Variants in MEAF6 observed in about 807,000 individuals in gnomAD.
MEAF6 encodes MYST/Esa1 associated factor 6, also known as chromatin modification-related protein MEAF6.
A neutral mutation model predicts 28.9 loss-of-function variants in MEAF6; 15 were observed. That is an observed-to-expected ratio of 0.52 (90% CI 0.35 to 0.80). MEAF6 has a LOEUF of 0.80. Ranked by LOEUF, MEAF6 falls within the 30% of genes least tolerant of loss-of-function variation. MEAF6 has a pLI of 0.01. For synonymous variants in MEAF6, 97 were observed against 88.7 expected, an observed-to-expected ratio of 1.09 and a Z score of -0.53; for missense variants, 178 against 237.5, an observed-to-expected ratio of 0.75 and a Z score of 1.65.
chr1:37,500,737 T>C (rs776180992), intron 5 of MEAF6, among the ~76,000 whole-genome samples: 3 of 152,128 alleles, frequency 2.0e-5, no homozygotes, highest in Non-Finnish European at 1.5e-5. Context: ...GTCATATCCA[T>C]GAAGCTAACA....
intron 2 of MEAF6, among the ~76,000 whole-genome samples, chr1:37,510,769 C>T (rs1260848516): frequency 6.6e-6 from 1 of 152,078 alleles, no homozygotes; most frequent in Non-Finnish European, 1.5e-5. Context: ...GTTGCCCAGG[C>T]TGGACTGCAA....
At chr1:37,501,184 G>A (rs1642289565) in intron 5 of MEAF6, among the ~76,000 whole-genome samples, 1 of 151,988 alleles carries the variant, frequency 6.6e-6, no homozygotes, top group Non-Finnish European at 1.5e-5. Flanking sequence ...ATCTCATTAT[G>A]TACTGCAAAA....
intron 6 of MEAF6, among the ~76,000 whole-genome samples, chr1:37,495,333 A>AAAATAAATAAATAAATAAAT (rs199695721): frequency 7.2e-6 from 1 of 138,458 alleles, no homozygotes; most frequent in African/African-American, 2.7e-5. Context: ...TCCGTCTCAA[A>AAAATAAATAAATAAATAAAT]AAATAAATAA....
At position 37,506,324 on chromosome 1, in the gene MEAF6, A is replaced by G. The variant is rs551546274; in HGVS notation, c.340+2954T>C. Among the ~76,000 whole-genome samples the G allele has an allele frequency of 3.4e-4, 51 of 152,198 alleles. 1 individual carries two copies. In the South Asian group the frequency reaches 0.01, roughly 30 times the overall value. On this transcript the variant is annotated intron_variant, in intron 4 of 6. Coordinates refer to ENST00000296214, the MANE Select transcript of MEAF6 (RefSeq NM_001270875.3). ...GTTAGGCAATGGTTTCTCAGATATG[A>G]CCAAAAAAGAAAATCTAACAAAAAC... is the stretch of plus-strand genomic sequence containing the variant.
chr1:37,511,049 TAAA>T (rs1205775211), intron 2 of MEAF6, among the ~76,000 whole-genome samples: 1 of 152,240 alleles, frequency 6.6e-6, no homozygotes, highest in African/African-American at 2.4e-5. Context: ...GCTTATTATT[TAAA>T]AAGTGGAGAA....
chr1:37,512,320 G>T (rs1159728320), intron 2 of MEAF6, among the ~76,000 whole-genome samples: 1 of 152,136 alleles, frequency 6.6e-6, no homozygotes, highest in African/African-American at 2.4e-5. Context: ...AGACCATTCT[G>T]CCAACTCCCT....
intron 6 of MEAF6, 114 bp downstream of exon 6, chr1:37,495,771 T>C: frequency 1.0e-6 from 1 of 983,964 alleles, no homozygotes; most frequent in Non-Finnish European, 1.6e-6. Context: ...CCCCAGACTT[T>C]AAATCAAGAG....
At chr1:37,502,447 G>A (rs1005760209) in intron 4 of MEAF6, among the ~76,000 whole-genome samples, 2 of 151,552 alleles carry the variant, frequency 1.3e-5, no homozygotes, top group East Asian at 3.9e-4. Context: ...AATCTACAGT[G>A]ATGTACAAAA....
intron 6 of MEAF6, 37 bp from the exon 7 acceptor site, chr1:37,494,144 G>A (rs111619433): frequency 9.1e-5 from 143 of 1,578,422 alleles, no homozygotes; most frequent in Non-Finnish European, 1.1e-4. Flanking sequence ...ACTTACTCTC[G>A]GCAGAACAGT....
rs372276645 is a variant in MEAF6 at position 37,493,636 on chromosome 1, AAAC to A, written c.*460_*462del. ...AAAAACCCCAAAGAAAATAAGATAA[AAAC>A]AACAAGAGAAAAACAAGAAAACATA... On this transcript the variant is annotated 3_prime_UTR_variant, in exon 7 of 7. Coordinates refer to ENST00000296214, the MANE Select transcript of MEAF6 (RefSeq NM_001270875.3). 1,109 of 820,054 alleles carry A rather than the reference AAAC, an allele frequency of 1.4e-3. 8 individuals carry two copies. The African/African-American group carries it at 0.016, about 12-fold the overall frequency. The allele number at this position is 820,054 out of a possible 1,614,324, so 50.8% of individuals were successfully genotyped here.
At chr1:37,495,684 C>CAAAAAAAAAAAAAAAAAAAAAAA (rs376230589) in intron 6 of MEAF6, among the ~76,000 whole-genome samples, 1 of 70,552 alleles carries the variant, frequency 1.4e-5, no homozygotes, top group African/African-American at 6.3e-5. Flanking sequence ...AACTGTCTCT[C>CAAAAAAAAAAAAAAAAAAAAAAA]AAAAAAAAAA....
At chr1:37,513,870 A>T in intron 1 of MEAF6, 1 of 389,228 alleles carries the variant, frequency 2.6e-6, no homozygotes, top group Non-Finnish European at 4.6e-6. Flanking sequence ...TCCCACGCAC[A>T]AAAGGTATCG....
At chr1:37,510,005 G>A (rs921097616) in intron 2 of MEAF6, among the ~76,000 whole-genome samples, 4 of 151,860 alleles carry the variant, frequency 2.6e-5, no homozygotes, top group African/African-American at 9.7e-5. Context: ...TTGAACTCCT[G>A]ACCTCAGGTG....
chr1:37,495,773 A>T (rs561384468), intron 6 of MEAF6, 112 bp downstream of exon 6: 1 of 1,005,808 alleles, frequency 9.9e-7, no homozygotes, highest in Non-Finnish European at 1.5e-6. Flanking sequence ...CCAGACTTTA[A>T]ATCAAGAGTT....
chr1:37,504,268 T>G (rs1379752464), intron 4 of MEAF6, among the ~76,000 whole-genome samples: 1 of 152,342 alleles, frequency 6.6e-6, no homozygotes, highest in East Asian at 1.9e-4. Flanking sequence ...CATGTAGAAC[T>G]GTGAGTCAAT....
Position 37,509,511 on chromosome 1 carries a change from G to T in MEAF6, c.238C>A (p.Arg80=). 2 of 1,613,990 alleles carry T rather than the reference G, an allele frequency of 1.2e-6. No homozygotes were observed. Among genetic ancestry groups the T allele is most frequent in the South Asian group, 2.2e-5 (2 of 91,062 alleles). ...AGCCGCTCAGCTTCCTTAAACTTCC[G>T]GTTCCTTCGATCATTTTTGCTATTG... ...NSNSKNDRRN[R]KFKEAERLFS... The change falls in exon 3 of 7, where the codon CGG becomes AGG. Residue 80 remains arginine (R), a synonymous_variant. Transcript: ENST00000296214.
At chr1:37,498,133 T>C (rs1170879642) in intron 5 of MEAF6, among the ~76,000 whole-genome samples, 1 of 152,130 alleles carries the variant, frequency 6.6e-6, no homozygotes, top group African/African-American at 2.4e-5. Flanking sequence ...TAAAACAATA[T>C]GCAAATGGCT....
In MEAF6 at chr1:37,492,092, T is replaced by C. The variant is rs1438740259; in HGVS notation, c.*2007A>G. ...CGCCCAGGCTGGAGTGCAGTGGCAC[T>C]ATCTCAGCTCACTGTAAGCTCCGCC... is the stretch of plus-strand genomic sequence containing the variant. On this transcript the variant is annotated 3_prime_UTR_variant, in exon 7 of 7. Coordinates refer to ENST00000296214, the MANE Select transcript of MEAF6 (RefSeq NM_001270875.3). Among the ~76,000 whole-genome samples the C allele has an allele frequency of 6.6e-6, 1 of 151,868 alleles. No individual in the cohort carries two copies. The highest frequency in any genetic ancestry group is 1.5e-5 in the Non-Finnish European group (1 of 67,978).
At chr1:37,505,777 A>G (rs764650823) in intron 4 of MEAF6, among the ~76,000 whole-genome samples, 5 of 152,240 alleles carry the variant, frequency 3.3e-5, no homozygotes, top group Non-Finnish European at 7.3e-5. Context: ...TCCCAGGATG[A>G]ACCCTTATAT....
Sources: gnomAD v4.1 joint callset for allele counts (sites outside exome capture counted in the v4.1 genomes callset) on GRCh38, gnomAD v4.1.1 for gene constraint, MANE v1.5 for transcripts, NCBI Gene and HGNC (gene_info 2026-07-23, HGNC 2026-07-21) for gene names.